ACER3: variants seen among roughly 807,000 people sequenced by gnomAD.
ACER3 encodes alkaline ceramidase 3.
Under a neutral mutation model 48.9 loss-of-function variants are expected in ACER3, and 16 were observed. The observed-to-expected ratio is 0.33, with a 90% CI of 0.22 to 0.50. The LOEUF (loss-of-function observed/expected upper bound fraction) is 0.50. Among genes scored for constraint, ACER3 ranks in the 20% least tolerant of loss-of-function variants. The pLI, the probability that ACER3 is intolerant of heterozygous loss-of-function variation, is 0.98. For missense variants in ACER3, 227 were observed against 326.0 expected (o/e 0.70, Z 2.34); for synonymous variants, 109 against 107.8 (o/e 1.01, Z -0.07).
rs149616123 is a variant in ACER3, at chr11:77,009,945, G to A, written c.498-5071G>A. Among the ~76,000 whole-genome samples, 7 of 152,122 alleles carry A rather than the reference G, an allele frequency of 4.6e-5. No homozygotes were observed. The South Asian group carries it at 8.3e-4, about 18-fold the overall frequency. On this transcript the variant is annotated intron_variant, in intron 7 of 10. Coordinates refer to ENST00000532485, the MANE Select transcript of ACER3 (RefSeq NM_018367.7). The stretch of plus-strand genomic sequence containing the variant: ...TTGGTATGTTTCAGACTGGCAATTG[G>A]AACTATTTCCTCATCACCATACACA...
chr11:76,909,152 C>G (rs544888528), intron 1 of ACER3, among the ~76,000 whole-genome samples: 3 of 152,122 alleles, frequency 2.0e-5, no homozygotes, highest in Non-Finnish European at 2.9e-5. Flanking sequence ...AATGTAAAAC[C>G]TAAAACCACA....
intron 2 of ACER3, among the ~76,000 whole-genome samples, chr11:76,954,009 G>C (rs1009517189): frequency 1.3e-5 from 2 of 148,968 alleles, no homozygotes; most frequent in Admixed American, 1.3e-4. Context: ...GTGCAATGGC[G>C]CAATCTTGGC....
At chr11:76,870,222 C>T (rs1207054504) in intron 1 of ACER3, among the ~76,000 whole-genome samples, 1 of 151,944 alleles carries the variant, frequency 6.6e-6, no homozygotes, top group Non-Finnish European at 1.5e-5. Context: ...GTCTCGACCT[C>T]CTGGGCTCAA....
chr11:76,952,047 G>C (rs1239410676), intron 2 of ACER3, among the ~76,000 whole-genome samples: 2 of 151,786 alleles, frequency 1.3e-5, no homozygotes, highest in Non-Finnish European at 2.9e-5. Flanking sequence ...ACTTAAAATG[G>C]ATCTAGGATA....
At chr11:76,865,117 G>A (rs544235858) in intron 1 of ACER3, among the ~76,000 whole-genome samples, 131 of 149,088 alleles carry the variant, frequency 8.8e-4, no homozygotes, top group African/African-American at 2.7e-3. Context: ...GACTACAGGC[G>A]TGTGCCACCA....
intron 7 of ACER3, among the ~76,000 whole-genome samples, chr11:77,007,356 C>G (rs79153543): frequency 0.056 from 8,507 of 152,184 alleles, 828 homozygotes; most frequent in African/African-American, 0.2. Flanking sequence ...TATAGTCCCA[C>G]AGGTCCCTTA....
intron 1 of ACER3, among the ~76,000 whole-genome samples, chr11:76,923,547 A>G (rs963845263): frequency 1.3e-5 from 2 of 152,128 alleles, no homozygotes; most frequent in Non-Finnish European, 2.9e-5. Flanking sequence ...AATACCTGAC[A>G]TCGTGCTTTT....
chr11:76,959,092 G>T (rs758828041), intron 3 of ACER3, 61 bp downstream of exon 3: 2 of 1,610,720 alleles, frequency 1.2e-6, no homozygotes, highest in South Asian at 1.1e-5. Flanking sequence ...CTTCAGATTT[G>T]AGAAAAGAGC....
At chr11:76,973,656 G>C (rs1948365604) in intron 3 of ACER3, among the ~76,000 whole-genome samples, 1 of 152,180 alleles carries the variant, frequency 6.6e-6, no homozygotes, top group Admixed American at 6.5e-5. Context: ...CCCTTGCCAG[G>C]CTTAGAGCAC....
intron 1 of ACER3, among the ~76,000 whole-genome samples, chr11:76,912,229 G>A (rs991283873): frequency 6.6e-6 from 1 of 152,142 alleles, no homozygotes. Flanking sequence ...AGAAGGCAAA[G>A]TGAGGAATGC....
intron 1 of ACER3, among the ~76,000 whole-genome samples, chr11:76,882,540 T>C (rs982024614): frequency 5.9e-5 from 9 of 152,214 alleles, no homozygotes; most frequent in African/African-American, 2.2e-4. Context: ...ATATTTTATC[T>C]TAATTCCTTG....
intron 7 of ACER3, among the ~76,000 whole-genome samples, chr11:77,014,559 T>C (rs1949328753): frequency 6.6e-6 from 1 of 152,218 alleles, no homozygotes; most frequent in African/African-American, 2.4e-5. Flanking sequence ...TCAACCTACA[T>C]TGATAGCTAA....
At chr11:76,975,281 T>C (rs1005398116) in intron 3 of ACER3, among the ~76,000 whole-genome samples, 4 of 152,168 alleles carry the variant, frequency 2.6e-5, no homozygotes, top group African/African-American at 9.7e-5. Flanking sequence ...TCTTAACACA[T>C]TACTTGGCAC....
In ACER3 at chr11:77,021,670, C is replaced by T. The variant is rs1555024526; in HGVS notation, c.*1343C>T. On this transcript the variant is annotated 3_prime_UTR_variant, in exon 11 of 11. Transcript: ENST00000532485. ...ATGATGACGTGACTCAGGATTAAAT[C>T]CTGAGCTACAGTTTCAAAAGGAAAA... 6.6e-6 allele frequency: 1 copy of T among 152,138 alleles called. No individual in the cohort carries two copies. Among genetic ancestry groups the T allele is most frequent in the Non-Finnish European group, 1.5e-5 (1 of 68,032 alleles). The allele number at this position is 152,138 out of a possible 1,614,324, so 9.4% of individuals were successfully genotyped here.
chr11:76,884,496 A>C (rs182339593), intron 1 of ACER3, among the ~76,000 whole-genome samples: 1 of 152,270 alleles, frequency 6.6e-6, no homozygotes, highest in Non-Finnish European at 1.5e-5. Context: ...CATTAGTTTT[A>C]ATATCTATTG....
At chr11:76,872,611 C>T (rs547582163) in intron 1 of ACER3, among the ~76,000 whole-genome samples, 12 of 152,236 alleles carry the variant, frequency 7.9e-5, no homozygotes, top group Admixed American at 7.9e-4. Flanking sequence ...GTTTCTCAGT[C>T]TGGAAAATGA....
chr11:76,998,727 A>C, intron 6 of ACER3, 36 bp from the exon 7 acceptor site: 3 of 1,505,840 alleles, frequency 2.0e-6, no homozygotes, highest in Non-Finnish European at 9.0e-7. Flanking sequence ...CCAAACAATA[A>C]TGATTGTACT....
At chr11:76,884,531 G>A (rs918880066) in intron 1 of ACER3, among the ~76,000 whole-genome samples, 8 of 152,178 alleles carry the variant, frequency 5.3e-5, no homozygotes, top group African/African-American at 1.7e-4. Context: ...TGATGTTAAA[G>A]TCTTCTGTAA....
At chr11:76,993,857 A>T (rs1055675497) in intron 6 of ACER3, among the ~76,000 whole-genome samples, 10 of 152,206 alleles carry the variant, frequency 6.6e-5, no homozygotes, top group African/African-American at 2.4e-4. Flanking sequence ...TAAGAGGCAG[A>T]GCTCAGGCGA....
Sources: allele counts gnomAD v4.1 joint callset (sites outside exome capture counted in the v4.1 genomes callset), GRCh38; gene constraint gnomAD v4.1.1; transcripts MANE v1.5; gene names NCBI Gene and HGNC (gene_info 2026-07-23, HGNC 2026-07-21).